KALRN: variants seen among roughly 807,000 people sequenced by gnomAD.
KALRN encodes kalirin.
In KALRN, 70 loss-of-function variants were observed where a neutral mutation model predicts 353.7. That is an observed-to-expected ratio of 0.20 (90% CI 0.16 to 0.24). The LOEUF (loss-of-function observed/expected upper bound fraction) is 0.24. Among genes scored for constraint, KALRN ranks in the 10% least tolerant of loss-of-function variants. The pLI, the probability that KALRN is intolerant of heterozygous loss-of-function variation, is 1.00. For missense variants in KALRN, 2,791 were observed against 3,756.7 expected, an observed-to-expected ratio of 0.74 and a Z score of 6.72; for synonymous variants, 1,391 against 1,434.8, an observed-to-expected ratio of 0.97 and a Z score of 0.69.
intron 58 of KALRN, among the ~76,000 whole-genome samples, chr3:124,715,944 A>G (rs1347320299): frequency 6.6e-6 from 1 of 152,180 alleles, no homozygotes; most frequent in African/African-American, 2.4e-5. Context: ...TCATAATCAA[A>G]TAGGTGAACA....
chr3:124,371,585 G>A (rs2085843987), intron 10 of KALRN, among the ~76,000 whole-genome samples: 1 of 151,896 alleles, frequency 6.6e-6, no homozygotes, highest in African/African-American at 2.4e-5. Flanking sequence ...ACAAAAATAA[G>A]GAAACATTTG....
At chr3:124,709,057 C>CAG (rs2062771345) in intron 57 of KALRN, among the ~76,000 whole-genome samples, 1 of 151,738 alleles carries the variant, frequency 6.6e-6, no homozygotes, top group Non-Finnish European at 1.5e-5. Flanking sequence ...AATGAATTGA[C>CAG]TACTAAGAAT....
Position 124,490,687 on chromosome 3 carries a change from T to G in KALRN, c.4397-7T>G. ...AACTCCACAGGGTGGAAATGGATGTTTTTCAGGGTTCGACGAGAACCTGGA... is the reference window on the plus strand; with the variant it reads ...AACTCCACAGGGTGGAAATGGATGTGTTTCAGGGTTCGACGAGAACCTGGA... On this transcript the variant is annotated splice_region_variant and splice_polypyrimidine_tract_variant and intron_variant, in intron 29 of 59. Transcript: ENST00000682506. 6.2e-7 allele frequency: 1 copy of G among 1,610,842 alleles called. No individual in the cohort carries two copies. The highest frequency in any genetic ancestry group is 8.5e-7 in the Non-Finnish European group (1 of 1,178,698).
In KALRN at chr3:124,438,838, T is replaced by C. The variant is rs370993834; in HGVS notation, c.3049-50T>C. On this transcript the variant is annotated intron_variant, in intron 17 of 59. Transcript: ENST00000682506. ...CTATAGGCTGAAGGTCCTCAGAGAA[T>C]AATTCCTGAATAATTAATTTACTGA... 6.1e-5 allele frequency: 95 copies of C among 1,556,108 alleles called. No individual in the cohort carries two copies. The African/African-American group carries it at 1.2e-3, about 19-fold the overall frequency.
chr3:124,134,004 T>C (rs1419289456), intron 1 of KALRN, among the ~76,000 whole-genome samples: 1 of 152,072 alleles, frequency 6.6e-6, no homozygotes, highest in Non-Finnish European at 1.5e-5. Context: ...ACCACCATCG[T>C]TCCTCACACA....
chr3:124,618,256 C>A (rs534682357), intron 34 of KALRN, among the ~76,000 whole-genome samples: 2 of 151,556 alleles, frequency 1.3e-5, no homozygotes, highest in African/African-American at 4.8e-5. Context: ...ACTATAGGCG[C>A]CTGCCACCAC....
chr3:124,073,489 C>T lies in KALRN; in HGVS notation c.73+39676C>T, dbSNP rs529912426. ...AGATACTATAGGGACAACTGAGAGC[C>T]GCAGAGCTGCAGAACAGAGAACTAG... On this transcript the variant is annotated intron_variant, in intron 1 of 59. Transcript: ENST00000682506. Among the ~76,000 whole-genome samples the T allele has an allele frequency of 5.3e-5, 8 of 152,258 alleles. No individual in the cohort carries two copies. The East Asian group carries it at 7.7e-4, about 15-fold the overall frequency.
rs1327261665 is a variant in KALRN at position 124,694,486 on chromosome 3, A to G, written c.7560A>G (p.Thr2520=). Reference sequence around the variant, plus strand: ...TTGACACTGATAACAGCTCAGCCACATACACGGTCTCCTCTTGGTAAGCCG... The same window carrying G: ...TTGACACTGATAACAGCTCAGCCACGTACACGGTCTCCTCTTGGTAAGCCG... ...NILDTDNSSA[T]YTVSSCDSGE... The change falls in exon 53 of 60, where the codon ACA becomes ACG. Residue 2520 remains threonine, a synonymous_variant. Transcript: ENST00000682506. 2 of 1,614,000 alleles carry G rather than the reference A, an allele frequency of 1.2e-6. No homozygotes were observed. The highest frequency in any genetic ancestry group is 1.7e-4 in the Middle Eastern group (1 of 6,056).
At chr3:124,694,916 A>T (rs2061981070) in intron 53 of KALRN, among the ~76,000 whole-genome samples, 1 of 151,946 alleles carries the variant, frequency 6.6e-6, no homozygotes, top group Non-Finnish European at 1.5e-5. Context: ...ACTGCCTTAC[A>T]TTCACCCTGG....
intron 32 of KALRN, among the ~76,000 whole-genome samples, chr3:124,495,978 T>TGTAC (rs1561136282): frequency 3.8e-5 from 1 of 26,520 alleles, no homozygotes; most frequent in Non-Finnish European, 6.9e-5. Context: ...TATATATATA[T>TGTAC]ATATATATAT....
At chr3:124,154,913 A>G (rs2068745658) in intron 1 of KALRN, among the ~76,000 whole-genome samples, 1 of 152,220 alleles carries the variant, frequency 6.6e-6, no homozygotes, top group Non-Finnish European at 1.5e-5. Context: ...CAAAACAGAG[A>G]TATAGATCAA....
intron 33 of KALRN, among the ~76,000 whole-genome samples, chr3:124,520,166 T>C (rs1400124017): frequency 6.6e-6 from 1 of 151,866 alleles, no homozygotes; most frequent in Non-Finnish European, 1.5e-5. Context: ...AGGAGTATAA[T>C]TGACTCCCCC....
intron 1 of KALRN, among the ~76,000 whole-genome samples, chr3:124,200,919 T>G (rs956000443): frequency 1.3e-5 from 2 of 152,224 alleles, no homozygotes; most frequent in African/African-American, 4.8e-5. Context: ...CCTTCCTTTA[T>G]TATCAAGGAT....
chr3:124,159,302 A>G (rs910044614), intron 1 of KALRN, among the ~76,000 whole-genome samples: 1 of 152,048 alleles, frequency 6.6e-6, no homozygotes, highest in Non-Finnish European at 1.5e-5. Context: ...ACAGGGTCTT[A>G]GTTTGTCACT....
intron 15 of KALRN, among the ~76,000 whole-genome samples, chr3:124,426,487 T>C (rs1309984380): frequency 6.6e-6 from 1 of 152,176 alleles, no homozygotes; most frequent in Non-Finnish European, 1.5e-5. Flanking sequence ...CATCATAACC[T>C]TAAGTTTTAC....
At chr3:124,233,228 C>G (rs530751507) in intron 2 of KALRN, among the ~76,000 whole-genome samples, 43 of 152,240 alleles carry the variant, frequency 2.8e-4, no homozygotes, top group African/African-American at 1.0e-3. Flanking sequence ...AAACAAACTG[C>G]CAGAGTGACA....
At chr3:124,106,672 G>A (rs2062342067) in intron 1 of KALRN, among the ~76,000 whole-genome samples, 1 of 152,114 alleles carries the variant, frequency 6.6e-6, no homozygotes, top group Admixed American at 6.5e-5. Flanking sequence ...GATGAAGTTG[G>A]AAGAGATAAG....
intron 34 of KALRN, among the ~76,000 whole-genome samples, chr3:124,575,223 G>A (rs1013300702): frequency 1.3e-5 from 2 of 152,164 alleles, no homozygotes; most frequent in Admixed American, 1.3e-4. Context: ...CTCAGATTGT[G>A]CCCACTTGCC....
chr3:124,448,489 G>C (rs1294448916), intron 21 of KALRN, among the ~76,000 whole-genome samples: 4 of 152,118 alleles, frequency 2.6e-5, no homozygotes, highest in Non-Finnish European at 5.9e-5. Flanking sequence ...TGCTCCAGCT[G>C]AATGGATGTA....
Sources: gnomAD v4.1 joint callset for allele counts (sites outside exome capture counted in the v4.1 genomes callset) on GRCh38, gnomAD v4.1.1 for gene constraint, MANE v1.5 for transcripts, NCBI Gene and HGNC (gene_info 2026-07-23, HGNC 2026-07-21) for gene names.